The following DYRK1A variants were observed in gnomAD, a reference collection of about 807,000 sequenced individuals.
The protein encoded by DYRK1A is dual specificity tyrosine-phosphorylation-regulated kinase 1A.
A neutral mutation model predicts 79.7 loss-of-function variants in DYRK1A; 9 were observed. The observed-to-expected ratio is 0.11, with a 90% CI of 0.07 to 0.20. The LOEUF (loss-of-function observed/expected upper bound fraction) is 0.20, where lower values mean the gene tolerates loss of function less well. Among genes scored for constraint, DYRK1A ranks in the 10% least tolerant of loss-of-function variants. The probability of loss-of-function intolerance (pLI) is 1.00; values close to 1 mark genes in which losing one functional copy is unlikely to be tolerated. For synonymous variants in DYRK1A, 349 were observed against 329.7 expected (o/e 1.06, Z -0.63); for missense variants, 622 against 956.0 (o/e 0.65, Z 4.61).
intron 9 of DYRK1A, among the ~76,000 whole-genome samples, chr21:37,498,868 G>A (rs1307188472): frequency 6.6e-6 from 1 of 152,148 alleles, no homozygotes. Context: ...TAGTGGATAT[G>A]TAGTGGTTTG....
At chr21:37,408,299 CCTG>C (rs1449102830) in intron 1 of DYRK1A, among the ~76,000 whole-genome samples, 1 of 152,138 alleles carries the variant, frequency 6.6e-6, no homozygotes, top group Non-Finnish European at 1.5e-5. Context: ...CTCACATACT[CCTG>C]CTTTAATTTT....
intron 3 of DYRK1A, among the ~76,000 whole-genome samples, 161 bp downstream of exon 3, chr21:37,473,041 T>G (rs1307786200): frequency 6.6e-6 from 1 of 152,226 alleles, no homozygotes; most frequent in Admixed American, 6.5e-5. Context: ...ATTAAATTTT[T>G]TTTTTTTAAT....
In DYRK1A at chr21:37,481,034, A is replaced by G. The variant is rs997328092; in HGVS notation, c.489+208A>G. The stretch of plus-strand genomic sequence containing the variant: ...ACTCCTTAGACTTCTAAAAACTTTT[A>G]TGGCTACCAAGTGCTCATTTTACTA... On this transcript the variant is annotated intron_variant, in intron 5 of 11. Transcript: ENST00000647188. The G allele has an allele frequency of 1.3e-5, 6 of 465,026 alleles. No homozygotes were observed. In the South Asian group the frequency reaches 1.6e-4, roughly 13 times the overall value. The allele number at this position is 465,026 out of a possible 1,614,324, so 28.8% of individuals were successfully genotyped here. A position where few individuals can be genotyped will look rare whatever the true frequency, so the allele number is the denominator to read the frequency against.
At chr21:37,388,272 G>A (rs2049801367) in intron 1 of DYRK1A, among the ~76,000 whole-genome samples, 1 of 151,648 alleles carries the variant, frequency 6.6e-6, no homozygotes, top group Non-Finnish European at 1.5e-5. Context: ...TTGTAGAGAC[G>A]GGGGTCTTGC....
chr21:37,509,281 C>G (rs1171276989), intron 11 of DYRK1A, among the ~76,000 whole-genome samples: 1 of 152,162 alleles, frequency 6.6e-6, no homozygotes, highest in Admixed American at 6.5e-5. Flanking sequence ...ACCAGGCAAA[C>G]GCTTTCAGAA....
In DYRK1A at chr21:37,411,943, G is replaced by A. The variant is rs2050253181; in HGVS notation, c.-76-8356G>A. 2.0e-5 allele frequency among the ~76,000 whole-genome samples: 3 copies of A among 152,046 alleles called. No individual in the cohort carries two copies. The South Asian group carries it at 6.2e-4, about 31-fold the overall frequency. On this transcript the variant is annotated intron_variant, in intron 1 of 11. Coordinates refer to ENST00000647188, the MANE Select transcript of DYRK1A (RefSeq NM_001347721.2). ...TTCTACATGAAGCAATATTTTCATT[G>A]TATTCCGCTGTGCCAATCTGTTTAT...
At chr21:37,431,342 G>T (rs550781012) in intron 2 of DYRK1A, among the ~76,000 whole-genome samples, 2 of 152,270 alleles carry the variant, frequency 1.3e-5, no homozygotes, top group Admixed American at 1.3e-4. Flanking sequence ...ATGAATTCTG[G>T]TAGTATGTTT....
At chr21:37,427,321 TC>T (rs2050654482) in intron 2 of DYRK1A, among the ~76,000 whole-genome samples, 1 of 152,210 alleles carries the variant, frequency 6.6e-6, no homozygotes, top group Non-Finnish European at 1.5e-5. Context: ...CTTGCTGTGT[TC>T]CCTAGGCTGG....
intron 2 of DYRK1A, among the ~76,000 whole-genome samples, chr21:37,451,002 C>T (rs1170823487): frequency 6.6e-6 from 1 of 152,130 alleles, no homozygotes; most frequent in African/African-American, 2.4e-5. Context: ...TCTTGCGATC[C>T]TTACCCAAGG....
At chr21:37,427,020 A>G (rs2050644389) in intron 2 of DYRK1A, among the ~76,000 whole-genome samples, 1 of 152,256 alleles carries the variant, frequency 6.6e-6, no homozygotes, top group East Asian at 1.9e-4. Context: ...GGAAGTTTCA[A>G]CATACAAATA....
chr21:37,465,234 G>GT (rs138594924), intron 2 of DYRK1A, among the ~76,000 whole-genome samples: 1 of 152,124 alleles, frequency 6.6e-6, no homozygotes, highest in Non-Finnish European at 1.5e-5. Context: ...AAGTGAAAAA[G>GT]TTTTTTCTTG....
Position 37,479,193 on chromosome 21 carries a change from C to T in DYRK1A, c.300+893C>T, listed in dbSNP as rs138835663. ...ATGTTATTTAATGACAGTATTACTA[C>T]ATTACAGTGGCAGTGTGGCAACGTA... On this transcript the variant is annotated intron_variant, in intron 4 of 11. Transcript: ENST00000647188. Among the ~76,000 whole-genome samples the T allele has an allele frequency of 1.5e-4, 23 of 151,282 alleles. 1 individual carries two copies. The East Asian group carries it at 4.1e-3, about 27-fold the overall frequency.
In DYRK1A at chr21:37,496,337, T is replaced by C. The variant is rs1303209414; in HGVS notation, c.1212+79T>C. On this transcript the variant is annotated intron_variant, in intron 9 of 11. Coordinates refer to ENST00000647188, the MANE Select transcript of DYRK1A (RefSeq NM_001347721.2). ...TGTCTTTTTATAGCTCATTTTGCAT[T>C]TACTTGAAATCAGTGTGTTTCAGTT... 4.2e-6 allele frequency: 6 copies of C among 1,417,376 alleles called. No individual in the cohort carries two copies. In the African/African-American group the frequency reaches 7.2e-5, roughly 17 times the overall value. The allele number at this position is 1,417,376 out of a possible 1,614,324, so 87.8% of individuals were successfully genotyped here. A position where few individuals can be genotyped will look rare whatever the true frequency, so the allele number is the denominator to read the frequency against.
intron 1 of DYRK1A, among the ~76,000 whole-genome samples, chr21:37,416,309 G>A (rs2050337383): frequency 4.9e-5 from 6 of 121,682 alleles, no homozygotes; most frequent in Admixed American, 4.7e-4. Context: ...AAAGTCTTGT[G>A]TTTTGGCCTT....
At chr21:37,462,524 C>G (rs1378617159) in intron 2 of DYRK1A, among the ~76,000 whole-genome samples, 2 of 152,172 alleles carry the variant, frequency 1.3e-5, no homozygotes, top group Non-Finnish European at 2.9e-5. Flanking sequence ...AGTAGTTATT[C>G]AGTTCACAGT....
At chr21:37,478,131 G>C (rs758531852) in intron 3 of DYRK1A, 77 bp from the exon 4 acceptor site, 1 of 1,589,180 alleles carries the variant, frequency 6.3e-7, no homozygotes, top group South Asian at 1.1e-5. Flanking sequence ...TTACAGAAGA[G>C]GGAATTTATA....
At chr21:37,477,629 G>A (rs1264230004) in intron 3 of DYRK1A, among the ~76,000 whole-genome samples, 4 of 152,180 alleles carry the variant, frequency 2.6e-5, no homozygotes, top group Non-Finnish European at 5.9e-5. Flanking sequence ...TTGGTTAGGG[G>A]CAGATATTTG....
chr21:37,476,765 ATCT>A (rs1241289822), intron 3 of DYRK1A, among the ~76,000 whole-genome samples: 3 of 150,126 alleles, frequency 2.0e-5, no homozygotes, highest in Non-Finnish European at 4.4e-5. Flanking sequence ...AAATCAGATC[ATCT>A]TCTTAATTCT....
At chr21:37,376,955 A>T (rs1014065149) in intron 1 of DYRK1A, among the ~76,000 whole-genome samples, 13 of 152,174 alleles carry the variant, frequency 8.5e-5, no homozygotes, top group African/African-American at 3.1e-4. Flanking sequence ...TATATATATT[A>T]TACTTTTAGT....
Sources: allele counts gnomAD v4.1 joint callset (sites outside exome capture counted in the v4.1 genomes callset), GRCh38; gene constraint gnomAD v4.1.1; transcripts MANE v1.5; gene names NCBI Gene and HGNC (gene_info 2026-07-23, HGNC 2026-07-21).